SORBS2: variants seen among roughly 807,000 people sequenced by gnomAD.
SORBS2 encodes sorbin and SH3 domain containing 2.
A neutral mutation model predicts 97.7 loss-of-function variants in SORBS2; 46 were observed. That is an observed-to-expected ratio of 0.47 (90% CI 0.37 to 0.60). The LOEUF (loss-of-function observed/expected upper bound fraction) is 0.60, where lower values mean the gene tolerates loss of function less well. SORBS2 is among the 20% of genes least tolerant of loss of function. The pLI, the probability that SORBS2 is intolerant of heterozygous loss-of-function variation, is 0.00. For synonymous variants in SORBS2, 476 were observed against 473.4 expected, an observed-to-expected ratio of 1.01 and a Z score of -0.07; for missense variants, 1,316 against 1,282.3, an observed-to-expected ratio of 1.03 and a Z score of -0.40.
intron 1 of SORBS2, among the ~76,000 whole-genome samples, chr4:185,873,038 G>A (rs1018144066): frequency 6.6e-6 from 1 of 152,182 alleles, no homozygotes; most frequent in African/African-American, 2.4e-5. Flanking sequence ...GCATAGAGAG[G>A]ATGCTTATTA....
chr4:185,865,669 A>T (rs1579243844), intron 1 of SORBS2, among the ~76,000 whole-genome samples: 1 of 152,334 alleles, frequency 6.6e-6, no homozygotes, highest in African/African-American at 2.4e-5. Context: ...CTCTTAGCCT[A>T]ACTTTTAGAC....
At position 185,877,311 on chromosome 4, in the gene SORBS2, G is replaced by T. The variant is rs529887654; in HGVS notation, c.-338+78885C>A. 4.5e-4 allele frequency among the ~76,000 whole-genome samples: 69 copies of T among 151,976 alleles called. 1 individual carries two copies. The highest frequency in any genetic ancestry group is 6.3e-4 in the Non-Finnish European group (43 of 67,952). On this transcript the variant is annotated intron_variant, in intron 1 of 20. Coordinates refer to the SORBS2 transcript ENST00000284776. ...ATTAAAGGTTGTTTTTTTTAAAAGA[G>T]CCAAAGTAAGCAAAAAAAAGAGATT...
chr4:185,690,664 C>T (rs1007955049), intron 2 of SORBS2, 53 bp from the exon 4 acceptor site: 38 of 760,518 alleles, frequency 5.0e-5, no homozygotes, highest in Non-Finnish European at 7.2e-5. Context: ...AAGAAAATAT[C>T]ATGAAAGTGT....
chr4:185,819,816 A>G (rs1385066056), intron 1 of SORBS2, among the ~76,000 whole-genome samples: 8 of 152,182 alleles, frequency 5.3e-5, no homozygotes, highest in Admixed American at 5.2e-4. Flanking sequence ...ATCTCTCCTT[A>G]TACTGGTTTC....
chr4:185,945,060 C>T (rs1221882980), intron 1 of SORBS2, among the ~76,000 whole-genome samples: 1 of 152,192 alleles, frequency 6.6e-6, no homozygotes, highest in Non-Finnish European at 1.5e-5. Flanking sequence ...ATGCAACGTG[C>T]TCATATATGC....
At position 185,728,616 on chromosome 4, in the gene SORBS2, C is replaced by T. The variant is rs149868629; in HGVS notation, c.-198+46611G>A. ...GTTCACCTGTCATCACAAAAGGATGCGCAGGAGCACTCATTATTTTAATCG... is the reference window on the plus strand; with the variant it reads ...GTTCACCTGTCATCACAAAAGGATGTGCAGGAGCACTCATTATTTTAATCG... On this transcript the variant is annotated intron_variant, in intron 2 of 20. Transcript: ENST00000284776. Among the ~76,000 whole-genome samples the T allele has an allele frequency of 1.1e-3, 174 of 152,274 alleles. 3 individuals carry two copies. The highest frequency in any genetic ancestry group is 3.8e-3 in the African/African-American group (159 of 41,560).
chr4:185,735,808 G>T (rs953099851), intron 2 of SORBS2, among the ~76,000 whole-genome samples: 7 of 152,172 alleles, frequency 4.6e-5, no homozygotes, highest in South Asian at 4.2e-4. Flanking sequence ...TCTTCATGAA[G>T]TTTACCTTAT....
intron 5 of SORBS2, among the ~76,000 whole-genome samples, chr4:185,629,982 T>TC (rs1359418421): frequency 1.3e-5 from 2 of 152,176 alleles, no homozygotes; most frequent in Admixed American, 6.5e-5. Flanking sequence ...TTCTTTTTTT[T>TC]CTCTCTCCTT....
chr4:185,874,767 A>T (rs180924331), intron 1 of SORBS2, among the ~76,000 whole-genome samples: 129 of 151,530 alleles, frequency 8.5e-4, no homozygotes, highest in Non-Finnish European at 1.8e-3. Flanking sequence ...CTTGGCTGGA[A>T]TTGTGTGAGT....
intron 1 of SORBS2, among the ~76,000 whole-genome samples, chr4:185,816,805 G>A (rs1486462238): frequency 6.6e-6 from 1 of 152,142 alleles, no homozygotes; most frequent in Non-Finnish European, 1.5e-5. Flanking sequence ...GATTATAGAA[G>A]AACAAAACCT....
upstream of SORBS2, among the ~76,000 whole-genome samples, chr4:185,659,672 C>T (rs994823076): frequency 6.6e-6 from 1 of 152,122 alleles, no homozygotes; most frequent in African/African-American, 2.4e-5. Flanking sequence ...CCACCCGCCT[C>T]GGCCTTCCAA....
intron 4 of SORBS2, among the ~76,000 whole-genome samples, chr4:185,669,872 T>C (rs1256797826): frequency 2.0e-5 from 3 of 152,208 alleles, no homozygotes; most frequent in Non-Finnish European, 4.4e-5. Context: ...TTTGACAATT[T>C]CCAATTAACT....
intron 1 of SORBS2, among the ~76,000 whole-genome samples, chr4:185,833,122 G>T (rs1421716919): frequency 6.6e-6 from 1 of 152,138 alleles, no homozygotes; most frequent in African/African-American, 2.4e-5. Flanking sequence ...TAATTCCAAA[G>T]AACAAAAGAT....
At chr4:185,832,606 T>C (rs1047543311) in intron 1 of SORBS2, among the ~76,000 whole-genome samples, 7 of 152,242 alleles carry the variant, frequency 4.6e-5, no homozygotes, top group Non-Finnish European at 1.0e-4. Flanking sequence ...ATTATTCCTT[T>C]TCTTAATTTC....
At chr4:185,908,017 G>A (rs964429848) in intron 1 of SORBS2, among the ~76,000 whole-genome samples, 1 of 151,876 alleles carries the variant, frequency 6.6e-6, no homozygotes, top group Non-Finnish European at 1.5e-5. Flanking sequence ...GTGGAAAACC[G>A]ACCTGGAGAG....
At position 185,607,282 on chromosome 4, in the gene SORBS2, A is replaced by G. The variant is rs1169115358; in HGVS notation, c.2796+4498T>C. On this transcript the variant is annotated intron_variant, in intron 12 of 14. Transcript: ENST00000418609. This position sits in a 1 kb window ranked among gnomAD's most constrained non-coding sequence, Gnocchi z 5.2. ...CAACCAGCCCTGGCCAGTTCCCTGG[A>G]GAGCTCCTTTATCTGAGCCAGGTGA... 3 of 1,280,112 alleles carry G rather than the reference A, an allele frequency of 2.3e-6. No individual in the cohort carries two copies. The highest frequency in any genetic ancestry group is 3.1e-5 in the African/African-American group (2 of 64,888). 79.3% of individuals were successfully genotyped at this position (1,280,112 alleles called of 1,614,324 possible). A position where few individuals can be genotyped will look rare whatever the true frequency, so the allele number is the denominator to read the frequency against.
At chr4:185,798,177 C>T (rs1189689577) in intron 1 of SORBS2, among the ~76,000 whole-genome samples, 1 of 152,156 alleles carries the variant, frequency 6.6e-6, no homozygotes, top group Non-Finnish European at 1.5e-5. Context: ...ACATGCCAGA[C>T]CTCACCCTAC....
At chr4:185,887,433 G>A (rs1473834660) in intron 1 of SORBS2, among the ~76,000 whole-genome samples, 1 of 152,196 alleles carries the variant, frequency 6.6e-6, no homozygotes, top group East Asian at 1.9e-4. Flanking sequence ...CCACGCTGTG[G>A]CTTCAGGAAA....
At position 185,607,057 on chromosome 4, in the gene SORBS2, G is replaced by A. The variant is rs1004588742; in HGVS notation, c.2796+4723C>T. 5.8e-6 allele frequency: 6 copies of A among 1,031,618 alleles called. No homozygotes were observed. The highest frequency in any genetic ancestry group is 5.8e-6 in the Non-Finnish European group (5 of 857,240). 63.9% of individuals were successfully genotyped at this position (1,031,618 alleles called of 1,614,324 possible). On this transcript the variant is annotated intron_variant, in intron 12 of 14. Transcript: ENST00000418609. The surrounding 1 kb of genome is among the most constrained non-coding windows in gnomAD (Gnocchi z 5.2). ...GTGAGTGGAAGGTGATTCGGCAGGT[G>A]CAGTCGCTGGGGACAATGGGAGGAG...
Sources: allele counts gnomAD v4.1 joint callset (sites outside exome capture counted in the v4.1 genomes callset), GRCh38; gene constraint gnomAD v4.1.1; non-coding constraint Gnocchi (gnomAD v3.1); transcripts MANE v1.5; gene names NCBI Gene and HGNC (gene_info 2026-07-23, HGNC 2026-07-21).